NOL4: variants seen among roughly 807,000 people sequenced by gnomAD.
The protein encoded by NOL4 is nucleolar protein 4, also known as cancer/testis antigen 125.
A neutral mutation model predicts 75.9 loss-of-function variants in NOL4; 17 were observed. The observed-to-expected ratio is 0.22, with a 90% CI of 0.15 to 0.34. NOL4 has a LOEUF of 0.34. NOL4 is among the 10% of genes least tolerant of loss of function. The pLI, the probability that NOL4 is intolerant of heterozygous loss-of-function variation, is 1.00. For synonymous variants in NOL4, 292 were observed against 289.9 expected, an observed-to-expected ratio of 1.01 and a Z score of -0.07; for missense variants, 614 against 793.5, an observed-to-expected ratio of 0.77 and a Z score of 2.72.
At chr18:33,977,402 C>A (rs1376050128) in intron 6 of NOL4, among the ~76,000 whole-genome samples, 1 of 152,108 alleles carries the variant, frequency 6.6e-6, no homozygotes, top group Non-Finnish European at 1.5e-5. Context: ...GTGAATAAGT[C>A]TCATGAGATC....
chr18:33,949,365 A>G (rs950747473), intron 8 of NOL4, among the ~76,000 whole-genome samples: 2 of 152,052 alleles, frequency 1.3e-5, no homozygotes, highest in African/African-American at 2.4e-5. Context: ...TTTGTTTCCA[A>G]TGACTGATCC....
intron 1 of NOL4, among the ~76,000 whole-genome samples, chr18:34,221,821 A>C (rs945433023): frequency 1.3e-5 from 2 of 152,306 alleles, no homozygotes; most frequent in Admixed American, 6.5e-5. Context: ...TTTTCAATTC[A>C]ATATAATATA....
chr18:33,905,546 CAT>C (rs1380890858), intron 9 of NOL4, among the ~76,000 whole-genome samples: 2 of 152,084 alleles, frequency 1.3e-5, no homozygotes, highest in African/African-American at 2.4e-5. Flanking sequence ...TGGAGATTTT[CAT>C]ATGTTTGGCA....
At chr18:34,059,563 A>G (rs2076986163) in intron 5 of NOL4, among the ~76,000 whole-genome samples, 2 of 152,150 alleles carry the variant, frequency 1.3e-5, no homozygotes, top group South Asian at 4.1e-4. Context: ...TATTGTAAAC[A>G]CTGTCGCTTG....
intron 8 of NOL4, among the ~76,000 whole-genome samples, chr18:33,955,323 T>C (rs1357078753): frequency 1.3e-5 from 2 of 152,092 alleles, no homozygotes; most frequent in African/African-American, 2.4e-5. Flanking sequence ...AACTATGTAT[T>C]GAAAACAAGG....
At chr18:33,889,634 C>G (rs2064979099) in intron 9 of NOL4, among the ~76,000 whole-genome samples, 5 of 152,022 alleles carry the variant, frequency 3.3e-5, no homozygotes, top group Admixed American at 2.6e-4. Flanking sequence ...TGTGAAAATC[C>G]TCAATAAAAT....
chr18:33,946,658 A>G (rs1445471396), intron 8 of NOL4, among the ~76,000 whole-genome samples: 1 of 151,798 alleles, frequency 6.6e-6, no homozygotes, highest in Admixed American at 6.6e-5. Flanking sequence ...CATTGCATTT[A>G]GCAAAGAATA....
At chr18:34,098,289 G>A (rs888621404) in intron 4 of NOL4, among the ~76,000 whole-genome samples, 1 of 152,110 alleles carries the variant, frequency 6.6e-6, no homozygotes, top group East Asian at 1.9e-4. Flanking sequence ...CCTGTCTCTT[G>A]GAAGCCAGCT....
intron 5 of NOL4, among the ~76,000 whole-genome samples, chr18:34,034,029 C>T (rs746860695): frequency 4.6e-5 from 7 of 152,234 alleles, no homozygotes; most frequent in Middle Eastern, 3.4e-3. Flanking sequence ...ACTCTCCCTA[C>T]GAGAAATGCT....
intron 5 of NOL4, among the ~76,000 whole-genome samples, chr18:34,088,349 T>G (rs1320059080): frequency 6.6e-6 from 1 of 152,020 alleles, no homozygotes; most frequent in East Asian, 1.9e-4. Context: ...AAGTAATTGA[T>G]TTAGGAAAGG....
chr18:33,914,858 T>C (rs1260921512), intron 9 of NOL4, among the ~76,000 whole-genome samples: 3 of 152,118 alleles, frequency 2.0e-5, no homozygotes, highest in African/African-American at 7.2e-5. Flanking sequence ...GAGTACATGC[T>C]GAGGAAGTGG....
chr18:34,112,726 T>A (rs1310897193), intron 2 of NOL4, among the ~76,000 whole-genome samples: 1 of 152,082 alleles, frequency 6.6e-6, no homozygotes, highest in Non-Finnish European at 1.5e-5. Context: ...GAGGAGATAT[T>A]GGTCAAAGGG....
chr18:33,985,161 T>C lies in NOL4; in HGVS notation c.1057-26743A>G, dbSNP rs573468012. On this transcript the variant is annotated intron_variant, in intron 6 of 10. Transcript: ENST00000261592. Reference sequence around the variant, plus strand: ...ATATAATGCATCAAATGAGTAACATTAACTATTTTAACAATTAGCTTTAAA... The same window carrying C: ...ATATAATGCATCAAATGAGTAACATCAACTATTTTAACAATTAGCTTTAAA... 3.9e-5 allele frequency among the ~76,000 whole-genome samples: 6 copies of C among 152,260 alleles called. No individual in the cohort carries two copies. In the East Asian group the frequency reaches 1.2e-3, roughly 29 times the overall value.
intron 9 of NOL4, among the ~76,000 whole-genome samples, chr18:33,908,700 G>A (rs1320199465): frequency 1.3e-5 from 2 of 152,134 alleles, no homozygotes; most frequent in African/African-American, 4.8e-5. Context: ...ATATGGTGAT[G>A]CCTGAGTGAT....
At chr18:34,219,052 TTAG>T (rs2037112763) in intron 1 of NOL4, among the ~76,000 whole-genome samples, 1 of 152,040 alleles carries the variant, frequency 6.6e-6, no homozygotes. Context: ...CAGTAATCAA[TTAG>T]TAGTATGCAC....
At chr18:34,142,905 A>G (rs544667831) in intron 1 of NOL4, among the ~76,000 whole-genome samples, 46 of 152,292 alleles carry the variant, frequency 3.0e-4, no homozygotes, top group African/African-American at 1.1e-3. Context: ...AGATTCAACT[A>G]ACTGATAATC....
intron 9 of NOL4, among the ~76,000 whole-genome samples, chr18:33,934,194 A>G (rs530912490): frequency 6.6e-6 from 1 of 152,248 alleles, no homozygotes; most frequent in African/African-American, 2.4e-5. Context: ...AGTGGGCTTA[A>G]AATATTCAGT....
chr18:34,071,291 G>A (rs2077503151), intron 5 of NOL4, among the ~76,000 whole-genome samples: 1 of 152,072 alleles, frequency 6.6e-6, no homozygotes, highest in Non-Finnish European at 1.5e-5. Flanking sequence ...AAATAATATG[G>A]TGAAGTATGA....
At position 33,947,526 on chromosome 18, in the gene NOL4, T is replaced by C. The variant is rs141581027; in HGVS notation, c.1429-4348A>G. ...TTATGAAAATAACACCTCCTGTGGC[T>C]GAAGATAACTCAGTAAATACATATA... On this transcript the variant is annotated intron_variant, in intron 8 of 10. Transcript: ENST00000261592. Among the ~76,000 whole-genome samples the C allele has an allele frequency of 2.0e-5, 3 of 151,972 alleles. No individual in the cohort carries two copies. The East Asian group carries it at 5.8e-4, about 29-fold the overall frequency.
Sources: gnomAD v4.1 joint callset for allele counts (sites outside exome capture counted in the v4.1 genomes callset) on GRCh38, gnomAD v4.1.1 for gene constraint, MANE v1.5 for transcripts, NCBI Gene and HGNC (gene_info 2026-07-23, HGNC 2026-07-21) for gene names.